QTMAN: variants seen among roughly 807,000 people sequenced by gnomAD.
QTMAN encodes the protein tRNA-queuosine alpha-mannosyltransferase.
chr2:143,981,777 T>C, the QTMAN span, among the ~76,000 whole-genome samples: 4 of 152,324 alleles, frequency 2.6e-5, no homozygotes, highest in East Asian at 5.8e-4. Context: ...GTGAACACAA[T>C]ATGGAATGTC....
chr2:144,202,623 T>G, the QTMAN span, among the ~76,000 whole-genome samples: 1 of 152,180 alleles, frequency 6.6e-6, no homozygotes, highest in Non-Finnish European at 1.5e-5. Flanking sequence ...GGGATGAGTT[T>G]TTTTCCCCGT....
the QTMAN span, among the ~76,000 whole-genome samples, chr2:144,103,096 AGAT>A: frequency 2.0e-5 from 3 of 152,208 alleles, no homozygotes; most frequent in African/African-American, 7.2e-5. Context: ...GTGATGATGA[AGAT>A]GATGACAATA....
chr2:143,939,601 A>G, the QTMAN span: 2 of 152,194 alleles, frequency 1.3e-5, no homozygotes, highest in East Asian at 3.8e-4. Flanking sequence ...AGAAAGTATT[A>G]TATGGTCCTC....
chr2:143,956,914 C>T, the QTMAN span, among the ~76,000 whole-genome samples: 1 of 152,040 alleles, frequency 6.6e-6, no homozygotes, highest in Admixed American at 6.6e-5. Context: ...TGAATTCATT[C>T]ACATCTCCAC....
At chr2:144,024,623 A>G in the QTMAN span, among the ~76,000 whole-genome samples, 1 of 152,224 alleles carries the variant, frequency 6.6e-6, no homozygotes, top group Non-Finnish European at 1.5e-5. Flanking sequence ...CAAATGGTAT[A>G]CAAAATAAGG....
the QTMAN span, among the ~76,000 whole-genome samples, chr2:144,224,633 T>G: frequency 2.0e-5 from 3 of 152,206 alleles, no homozygotes; most frequent in East Asian, 5.8e-4. Flanking sequence ...AGATGACATC[T>G]AAACAGAAAT....
the QTMAN span, among the ~76,000 whole-genome samples, chr2:144,155,276 C>A: frequency 6.6e-6 from 1 of 152,156 alleles, no homozygotes; most frequent in Non-Finnish European, 1.5e-5. Flanking sequence ...GTACAAAGAT[C>A]AGCAATGTAC....
the QTMAN span, among the ~76,000 whole-genome samples, chr2:144,050,900 G>A: frequency 6.6e-6 from 1 of 151,938 alleles, no homozygotes; most frequent in South Asian, 2.1e-4. Context: ...CTTTTTTAAT[G>A]GAATATTTTT....
chr2:144,150,517 T>C, the QTMAN span, among the ~76,000 whole-genome samples: 10 of 152,110 alleles, frequency 6.6e-5, no homozygotes, highest in Non-Finnish European at 1.0e-4. Flanking sequence ...TAAATTTAAA[T>C]CGACTAGCCA....
the QTMAN span, among the ~76,000 whole-genome samples, chr2:144,241,365 ACTT>A: frequency 6.6e-6 from 1 of 152,174 alleles, no homozygotes; most frequent in East Asian, 1.9e-4. Flanking sequence ...AGCTCTCTAA[ACTT>A]CTTCCCTCAC....
the QTMAN span, among the ~76,000 whole-genome samples, chr2:144,078,014 A>AT: frequency 6.6e-6 from 1 of 152,234 alleles, no homozygotes; most frequent in Non-Finnish European, 1.5e-5. Flanking sequence ...AAAATTATTT[A>AT]ATGTTTATTT....
the QTMAN span, among the ~76,000 whole-genome samples, chr2:144,079,146 G>A: frequency 3.3e-5 from 5 of 152,196 alleles, no homozygotes; most frequent in African/African-American, 1.2e-4. Context: ...TTGTGCATTT[G>A]CAGACTGGAC....
the QTMAN span, among the ~76,000 whole-genome samples, chr2:144,252,591 T>C: frequency 1.2e-4 from 19 of 152,092 alleles, no homozygotes; most frequent in South Asian, 2.1e-4. Context: ...ACAACACCAA[T>C]TACTAAAGAC....
At chr2:144,104,934 AC>A in the QTMAN span, among the ~76,000 whole-genome samples, 2 of 152,180 alleles carry the variant, frequency 1.3e-5, no homozygotes, top group Non-Finnish European at 2.9e-5. Flanking sequence ...TCAGGCAGCA[AC>A]CTTTGCTGTT....
chr2:143,963,219 C>T, the QTMAN span, among the ~76,000 whole-genome samples: 1 of 151,968 alleles, frequency 6.6e-6, no homozygotes, highest in African/African-American at 2.4e-5. Context: ...AAAGCCTAGC[C>T]CTGGCTTGGT....
the QTMAN span, among the ~76,000 whole-genome samples, chr2:143,958,342 G>A: frequency 9.9e-5 from 15 of 152,198 alleles, no homozygotes; most frequent in Non-Finnish European, 2.1e-4. Context: ...AAGGCAAGCA[G>A]CAGTTAAGAA....
At chr2:144,189,742 C>A in the QTMAN span, among the ~76,000 whole-genome samples, 2 of 152,118 alleles carry the variant, frequency 1.3e-5, no homozygotes, top group African/African-American at 2.4e-5. Context: ...GCCTCAGCCT[C>A]CCAAGTAGCT....
the QTMAN span, among the ~76,000 whole-genome samples, chr2:144,052,915 C>T: frequency 6.6e-6 from 1 of 152,172 alleles, no homozygotes; most frequent in Non-Finnish European, 1.5e-5. Context: ...TCCCAAAGTG[C>T]TGGGATTACA....
the QTMAN span, among the ~76,000 whole-genome samples, chr2:144,165,941 T>C: frequency 2.0e-5 from 3 of 152,078 alleles, no homozygotes; most frequent in African/African-American, 7.2e-5. Flanking sequence ...ACTAATCTTA[T>C]TTCAAAGTCT....
Sources: allele counts gnomAD v4.1 joint callset (sites outside exome capture counted in the v4.1 genomes callset), GRCh38; gene constraint gnomAD v4.1.1; transcripts MANE v1.5; gene names NCBI Gene and HGNC (gene_info 2026-07-23, HGNC 2026-07-21).